Variants in ZAN observed in about 807,000 individuals in gnomAD.
ZAN encodes the protein zonadhesin.
Under a neutral mutation model 286.2 loss-of-function variants are expected in ZAN, and 260 were observed. The ratio of observed to expected loss-of-function variants is 0.91; its 90% confidence interval spans 0.82 to 1.01. ZAN has a LOEUF of 1.01. ZAN is among the 50% of genes least tolerant of loss of function. The pLI is 0.00. For synonymous variants in ZAN, 1,368 were observed against 1,417.5 expected (o/e 0.97, Z 0.79); for missense variants, 3,410 against 3,639.2 (o/e 0.94, Z 1.62).
intron 26 of ZAN, 105 bp from the exon 27 acceptor site, chr7:100,768,505 C>A: frequency 1.1e-6 from 1 of 935,494 alleles, no homozygotes; most frequent in Non-Finnish European, 1.6e-6. Flanking sequence ...AAGGGTTAAC[C>A]TTGCTATGTA....
At chr7:100,760,558 G>A (rs778051774) in intron 19 of ZAN, 22 bp downstream of exon 19, 1 of 1,608,880 alleles carries the variant, frequency 6.2e-7, no homozygotes, top group South Asian at 1.1e-5. Context: ...TCCCAGCCAG[G>A]CAGCTGCCAC....
intron 7 of ZAN, among the ~76,000 whole-genome samples, chr7:100,745,943 G>T (rs1808187664): frequency 6.7e-6 from 1 of 149,106 alleles, no homozygotes; most frequent in African/African-American, 2.5e-5. Context: ...TAGCACCCAG[G>T]CCAGATGTGA....
intron 20 of ZAN, among the ~76,000 whole-genome samples, chr7:100,762,650 C>T (rs1362413934): frequency 6.6e-6 from 1 of 151,732 alleles, no homozygotes; most frequent in African/African-American, 2.4e-5. Context: ...GTCTCAAACT[C>T]CTGGCCTCAA....
chr7:100,785,868 G>C, intron 36 of ZAN, 129 bp from the exon 37 acceptor site: 1 of 1,207,220 alleles, frequency 8.3e-7, no homozygotes, highest in Non-Finnish European at 1.1e-6. Flanking sequence ...CATGTTGGCT[G>C]GGCTCGTCAC....
Position 100,767,977 on chromosome 7 carries a change from C to T in ZAN, c.5007C>T (p.Pro1669=), listed in dbSNP as rs1215263894. ...DGSHLVEVTV[P]SSYGGQLCGL... ...GCCACTTGGTGGAAGTGACAGTCCC[C>T]TCCTCCTATGGCGGCCAGCTCTGTG... The change falls in exon 26 of 48, where the codon CCC becomes CCT. Residue 1669 remains proline, a synonymous_variant. Transcript: ENST00000613979. The T allele has an allele frequency of 1.1e-5, 17 of 1,613,674 alleles. No homozygotes were observed. The highest frequency in any genetic ancestry group is 1.3e-5 in the Non-Finnish European group (15 of 1,179,784).
rs147416335 is a variant in ZAN, at chr7:100,777,503, C to T, written c.6317+939C>T. On this transcript the variant is annotated intron_variant, in intron 34 of 47. Coordinates refer to ENST00000613979, the MANE Select transcript of ZAN (RefSeq NM_003386.3). ...CCGAGTAGCTGGGATTACAGGTGCA[C>T]ACCACCACGCCCCACGTCTGGCTAA... is the stretch of plus-strand genomic sequence containing the variant. Among the ~76,000 whole-genome samples the T allele has an allele frequency of 8.9e-4, 135 of 152,150 alleles. 1 individual carries two copies. The East Asian group carries it at 0.022, about 25-fold the overall frequency.
In ZAN at chr7:100,737,045, G is replaced by A. The variant is rs200060236; in HGVS notation, c.490G>A (p.Val164Ile). Residue 164 changes from valine (V) to isoleucine (I), a missense_variant, in exon 5 of 48, where the codon GTC becomes ATC. By Grantham distance (29) the Val-to-Ile change is conservative. Around this residue, in one of 7 missense-constraint regions of ZAN, gnomAD observed 872 missense variants for 938.9 expected, o/e 0.93. Coordinates refer to ENST00000613979, the MANE Select transcript of ZAN (RefSeq NM_003386.3). ...GAGACCCTCCTGGATGCTCACCACCGTCACTGTGCCCGCAGGGTTCACCCT... is the reference window on the plus strand; with the variant it reads ...GAGACCCTCCTGGATGCTCACCACCATCACTGTGCCCGCAGGGTTCACCCT... ...TQRPSWMLTTVTVPAGFTLPT... is the reference protein window; with the variant it reads ...TQRPSWMLTTITVPAGFTLPT... 2.9e-5 allele frequency: 44 copies of A among 1,498,978 alleles called. 8 individuals carry two copies. Among genetic ancestry groups the A allele is most frequent in the Middle Eastern group, 3.4e-4 (2 of 5,956 alleles). 92.9% of individuals were successfully genotyped at this position (1,498,978 alleles called of 1,614,324 possible). A position where few individuals can be genotyped will look rare whatever the true frequency, so the allele number is the denominator to read the frequency against.
At chr7:100,785,223 CTTTTTTT>C (rs5886135) in intron 36 of ZAN, among the ~76,000 whole-genome samples, 3 of 87,534 alleles carry the variant, frequency 3.4e-5, no homozygotes, top group South Asian at 4.3e-4. Context: ...AACACAGTGC[CTTTTTTT>C]TTTTTTTTTT....
intron 11 of ZAN, among the ~76,000 whole-genome samples, chr7:100,749,762 T>C (rs112296233): frequency 0.02 from 2,511 of 126,156 alleles, 24 homozygotes; most frequent in Middle Eastern, 0.065. Flanking sequence ...AAAAAGACAA[T>C]AATGAGGGTG....
At chr7:100,757,322 G>C (rs1562930016) in intron 15 of ZAN, among the ~76,000 whole-genome samples, 1 of 152,030 alleles carries the variant, frequency 6.6e-6, no homozygotes, top group Non-Finnish European at 1.5e-5. Context: ...CTGGCACTGG[G>C]GTCGCCACGA....
At chr7:100,782,689 G>T (rs3076822) in intron 35 of ZAN, among the ~76,000 whole-genome samples, 43,799 of 148,622 alleles carry the variant, frequency 0.29, 6,976 homozygotes, top group Non-Finnish European at 0.36. Flanking sequence ...TTTTGTGTGT[G>T]TGTGTGTGTG....
At chr7:100,788,251 G>T in intron 38 of ZAN, 115 bp downstream of exon 38, 1 of 1,366,054 alleles carries the variant, frequency 7.3e-7, no homozygotes, top group Non-Finnish European at 9.5e-7. Flanking sequence ...GGGGTGGGCT[G>T]GTTGTAAAAT....
chr7:100,738,975 C>G (rs189469899), intron 7 of ZAN, among the ~76,000 whole-genome samples: 1 of 38,522 alleles, frequency 2.6e-5, no homozygotes, highest in East Asian at 7.0e-4. Flanking sequence ...CTCCCTCTCC[C>G]TCTCCCTCTC....
intron 7 of ZAN, among the ~76,000 whole-genome samples, chr7:100,739,223 G>C (rs889834227): frequency 2.2e-5 from 3 of 135,564 alleles, no homozygotes; most frequent in African/African-American, 8.1e-5. Context: ...TGTTGGCCAG[G>C]CTGGTCTCGA....
intron 7 of ZAN, among the ~76,000 whole-genome samples, chr7:100,744,396 C>A (rs1562916357): frequency 1.3e-5 from 2 of 150,200 alleles, no homozygotes; most frequent in African/African-American, 2.5e-5. Context: ...GTCAGGAGTC[C>A]GAGACCAGCC....
Position 100,763,968 on chromosome 7 carries a change from C to A in ZAN, c.4097+52C>A, listed in dbSNP as rs1436216674. 1.2e-6 allele frequency: 2 copies of A among 1,613,694 alleles called. No homozygotes were observed. The highest frequency in any genetic ancestry group is 1.7e-6 in the Non-Finnish European group (2 of 1,179,696). On this transcript the variant is annotated intron_variant, in intron 21 of 47. Transcript: ENST00000613979. The surrounding 1 kb of genome is among the most constrained non-coding windows in gnomAD (Gnocchi z 4.6). ...ACAGGGGCGATGCTTGGCACCTGGG[C>A]TCCTCCAAGGCTCTACCCCCTTCCA...
At chr7:100,774,841 A>C (rs1810638662) in intron 31 of ZAN, among the ~76,000 whole-genome samples, 3 of 152,032 alleles carry the variant, frequency 2.0e-5, no homozygotes, top group Admixed American at 2.0e-4. Flanking sequence ...TAAAAAAAAA[A>C]AAAATCCTTC....
chr7:100,770,337 T>C (rs1022539286), intron 28 of ZAN, among the ~76,000 whole-genome samples: 1 of 151,598 alleles, frequency 6.6e-6, no homozygotes, highest in Admixed American at 6.6e-5. Context: ...ACCCCGTCTC[T>C]ACTAAAAATA....
At chr7:100,748,063 G>T in intron 9 of ZAN, 74 bp from the exon 10 acceptor site, 1 of 1,237,620 alleles carries the variant, frequency 8.1e-7, no homozygotes, top group South Asian at 1.2e-5. Flanking sequence ...GTCCTGGAAT[G>T]GAGTCGAGTT....
Sources: gnomAD v4.1 joint callset for allele counts (sites outside exome capture counted in the v4.1 genomes callset) on GRCh38, gnomAD v4.1.1 for gene constraint, gnomAD v4.1.1 regional missense constraint, Gnocchi (gnomAD v3.1) non-coding constraint, MANE v1.5 for transcripts, NCBI Gene and HGNC (gene_info 2026-07-23, HGNC 2026-07-21) for gene names.